The following ZYG11B variants were observed in gnomAD, a reference collection of about 807,000 sequenced individuals.
The protein encoded by ZYG11B is zyg-11 family member B, cell cycle regulator, also known as protein zyg-11 homolog B.
In ZYG11B, 36 loss-of-function variants were observed where a neutral mutation model predicts 82.4. That is an observed-to-expected ratio of 0.44 (90% CI 0.33 to 0.58). The LOEUF (loss-of-function observed/expected upper bound fraction) is 0.58. Ranked by LOEUF, ZYG11B falls within the 20% of genes least tolerant of loss-of-function variation. The pLI, the probability that ZYG11B is intolerant of heterozygous loss-of-function variation, is 0.02. For missense variants in ZYG11B, 552 were observed against 895.6 expected, an observed-to-expected ratio of 0.62 and a Z score of 4.90; for synonymous variants, 303 against 312.8, an observed-to-expected ratio of 0.97 and a Z score of 0.33.
chr1:52,761,924 T>C lies in ZYG11B; in HGVS notation c.196+5301T>C, dbSNP rs185197313. Among the ~76,000 whole-genome samples the C allele has an allele frequency of 6.1e-4, 93 of 152,326 alleles. 1 individual carries two copies. In the East Asian group the frequency reaches 8.3e-3, roughly 14 times the overall value. ...CATTTCCTTGATGATTAGTGATGTTTAGCAATTTTTTTATATATTTGTTGG... is the reference window on the plus strand; with the variant it reads ...CATTTCCTTGATGATTAGTGATGTTCAGCAATTTTTTTATATATTTGTTGG... On this transcript the variant is annotated intron_variant, in intron 2 of 13. Coordinates refer to ENST00000294353, the MANE Select transcript of ZYG11B (RefSeq NM_024646.3).
At chr1:52,755,457 A>G (rs748501324) in intron 1 of ZYG11B, among the ~76,000 whole-genome samples, 5 of 152,044 alleles carry the variant, frequency 3.3e-5, no homozygotes, top group Non-Finnish European at 5.9e-5. Flanking sequence ...CGTTTTGGCT[A>G]TTCTAGGTGT....
chr1:52,748,477 G>C (rs151282106), intron 1 of ZYG11B, among the ~76,000 whole-genome samples: 1 of 152,286 alleles, frequency 6.6e-6, no homozygotes, highest in East Asian at 1.9e-4. Context: ...GTTGTTAATG[G>C]TACAATTTAA....
At chr1:52,751,332 TAAAAAAA>T (rs201206768) in intron 1 of ZYG11B, among the ~76,000 whole-genome samples, 3 of 141,338 alleles carry the variant, frequency 2.1e-5, no homozygotes, top group African/African-American at 7.8e-5. Context: ...ATGATATAGT[TAAAAAAA>T]AAAAAAAATA....
chr1:52,814,044 CAG>C, intron 12 of ZYG11B, 132 bp downstream of exon 12: 1 of 842,906 alleles, frequency 1.2e-6, no homozygotes, highest in Non-Finnish European at 1.8e-6. Context: ...TATTTTGAGA[CAG>C]AGTTTCACTC....
At position 52,771,802 on chromosome 1, in the gene ZYG11B, T is replaced by C; in HGVS notation, c.951+28T>C. The stretch of plus-strand genomic sequence containing the variant: ...TAGACTTTAAAAATGTATTATTTTG[T>C]CAGGCTGACCAATATCTTAGTTGCA... On this transcript the variant is annotated intron_variant, in intron 3 of 13. Coordinates refer to ENST00000294353, the MANE Select transcript of ZYG11B (RefSeq NM_024646.3). The surrounding 1 kb of genome is among the most constrained non-coding windows in gnomAD (Gnocchi z 5.4). The C allele has an allele frequency of 2.5e-5, 39 of 1,581,014 alleles. No individual in the cohort carries two copies. Among genetic ancestry groups the C allele is most frequent in the Non-Finnish European group, 3.3e-5 (38 of 1,164,484 alleles).
At position 52,756,833 on chromosome 1, in the gene ZYG11B, T is replaced by A. The variant is rs564418409; in HGVS notation, c.196+210T>A. Among the ~76,000 whole-genome samples, 168 of 145,536 alleles carry A rather than the reference T, an allele frequency of 1.2e-3. No homozygotes were observed. In the East Asian group the frequency reaches 0.021, roughly 18 times the overall value. On this transcript the variant is annotated intron_variant, in intron 2 of 13. Transcript: ENST00000294353. ...CATTTTTCTTTTTTTTTTTTTTTTT[T>A]CCTTGACAGGGTCTCACTCTGTTAC...
At chr1:52,750,201 G>A (rs972820764) in intron 1 of ZYG11B, among the ~76,000 whole-genome samples, 3 of 151,992 alleles carry the variant, frequency 2.0e-5, no homozygotes, top group Admixed American at 6.6e-5. Context: ...GGGTTCAGGC[G>A]ATTCTCCTGC....
intron 1 of ZYG11B, among the ~76,000 whole-genome samples, chr1:52,731,864 G>A (rs763139983): frequency 2.0e-5 from 3 of 152,168 alleles, no homozygotes; most frequent in Non-Finnish European, 2.9e-5. Flanking sequence ...GTTCAGTGGT[G>A]CAACCACGGC....
intron 5 of ZYG11B, among the ~76,000 whole-genome samples, chr1:52,787,871 T>A (rs1644926966): frequency 6.6e-6 from 1 of 152,208 alleles, no homozygotes; most frequent in South Asian, 2.1e-4. Flanking sequence ...GAAATTTTTT[T>A]AGCTATTTTA....
Position 52,775,435 on chromosome 1 carries a change from A to G in ZYG11B, c.951+3661A>G, listed in dbSNP as rs1378486009. 2.0e-5 allele frequency among the ~76,000 whole-genome samples: 3 copies of G among 152,092 alleles called. No individual in the cohort carries two copies. The East Asian group carries it at 5.8e-4, about 29-fold the overall frequency. On this transcript the variant is annotated intron_variant, in intron 3 of 13. Coordinates refer to ENST00000294353, the MANE Select transcript of ZYG11B (RefSeq NM_024646.3). ...AGTGAGACCCCCATCTGACACCTGT[A>G]ATCCCAGCACTTTGGGAGGCCAAGG...
In ZYG11B at chr1:52,803,239, T is replaced by C. The variant is rs1199920707; in HGVS notation, c.1695+1100T>C. Among the ~76,000 whole-genome samples, 260 of 60,566 alleles carry C rather than the reference T, an allele frequency of 4.3e-3. 7 individuals are homozygous for C. The highest frequency in any genetic ancestry group is 0.014 in the African/African-American group (165 of 11,604). 39.7% of individuals were successfully genotyped at this position (60,566 alleles called of 152,430 possible). Reference sequence around the variant, plus strand: ...ATATATATATACACACATATATATATACACACACACATATATATATATATA... The same window carrying C: ...ATATATATATACACACATATATATACACACACACACATATATATATATATA... On this transcript the variant is annotated intron_variant, in intron 10 of 13. Coordinates refer to ENST00000294353, the MANE Select transcript of ZYG11B (RefSeq NM_024646.3).
intron 1 of ZYG11B, among the ~76,000 whole-genome samples, chr1:52,736,336 G>A (rs1243532572): frequency 6.6e-6 from 1 of 152,124 alleles, no homozygotes; most frequent in African/African-American, 2.4e-5. Flanking sequence ...CTGAAGTGCA[G>A]TGGCGTGATC....
chr1:52,753,014 AT>A (rs1644539268), intron 1 of ZYG11B, among the ~76,000 whole-genome samples: 1 of 151,822 alleles, frequency 6.6e-6, no homozygotes, highest in Non-Finnish European at 1.5e-5. Flanking sequence ...CACCCAGCTA[AT>A]TTTTGTATTT....
intron 2 of ZYG11B, among the ~76,000 whole-genome samples, chr1:52,758,134 G>A (rs1173736581): frequency 6.6e-6 from 1 of 150,472 alleles, no homozygotes; most frequent in Non-Finnish European, 1.5e-5. Flanking sequence ...AGGAGGCGGA[G>A]GTTGCAGTGA....
In ZYG11B at chr1:52,817,777, G is replaced by GTGTATATATATATA. The variant is rs1352242565; in HGVS notation, c.2044+1149_2044+1150insGTATATATATATAT. ...AATAGTAAAGTGTGTATATATATGT[G>GTGTATATATATATA]TATATATATATATATATATATATAT... On this transcript the variant is annotated intron_variant, in intron 13 of 13. Coordinates refer to ENST00000294353, the MANE Select transcript of ZYG11B (RefSeq NM_024646.3). Among the ~76,000 whole-genome samples, 70 of 41,522 alleles carry GTGTATATATATATA rather than the reference G, an allele frequency of 1.7e-3. 5 individuals are homozygous for GTGTATATATATATA. The highest frequency in any genetic ancestry group is 2.1e-3 in the African/African-American group (17 of 8,016). 27.2% of individuals were successfully genotyped at this position (41,522 alleles called of 152,430 possible). A position where few individuals can be genotyped will look rare whatever the true frequency, so the allele number is the denominator to read the frequency against.
rs1571787888 is a variant in ZYG11B, at chr1:52,797,468, T to TATATGATATATAATATAATAA, written c.1485+686_1485+687insATGATATATAATATAATAAAT. Among the ~76,000 whole-genome samples, 3 of 110,552 alleles carry TATATGATATATAATATAATAA rather than the reference T, an allele frequency of 2.7e-5. No homozygotes were observed. In the South Asian group the frequency reaches 7.6e-4, roughly 28 times the overall value. 72.5% of individuals were successfully genotyped at this position (110,552 alleles called of 152,430 possible). On this transcript the variant is annotated intron_variant, in intron 8 of 13. Coordinates refer to ENST00000294353, the MANE Select transcript of ZYG11B (RefSeq NM_024646.3). ...TATTATATATCATATATGATATATA[T>TATATGATATATAATATAATAA]ATTATATATGATATATAATATGTAT...
At chr1:52,754,769 C>T (rs918377707) in intron 1 of ZYG11B, among the ~76,000 whole-genome samples, 20 of 152,118 alleles carry the variant, frequency 1.3e-4, no homozygotes, top group African/African-American at 3.9e-4. Flanking sequence ...ATCTAAGAAA[C>T]TTTACTGATC....
rs1645291276 is a variant in ZYG11B, at chr1:52,822,494, TA to T, written c.*869del. 1.3e-5 allele frequency: 2 copies of T among 152,390 alleles called. No homozygotes were observed. The highest frequency in any genetic ancestry group is 4.1e-4 in the South Asian group (2 of 4,830). 9.4% of individuals were successfully genotyped at this position (152,390 alleles called of 1,614,324 possible). A position where few individuals can be genotyped will look rare whatever the true frequency, so the allele number is the denominator to read the frequency against. On this transcript the variant is annotated 3_prime_UTR_variant, in exon 14 of 14. Transcript: ENST00000294353. ...GTGATTTTAAAAAATTATCGCCAGT[TA>T]AAACTGGCTATTCTTTTCCTCTATT...
At chr1:52,802,376 C>T (rs1264456709) in intron 10 of ZYG11B, among the ~76,000 whole-genome samples, 14 of 106,694 alleles carry the variant, frequency 1.3e-4, no homozygotes, top group Admixed American at 9.6e-4. Context: ...GAGACAGGGT[C>T]TCACTTTGTT....
Sources: gnomAD v4.1 joint callset for allele counts (sites outside exome capture counted in the v4.1 genomes callset) on GRCh38, gnomAD v4.1.1 for gene constraint, Gnocchi (gnomAD v3.1) non-coding constraint, MANE v1.5 for transcripts, NCBI Gene and HGNC (gene_info 2026-07-23, HGNC 2026-07-21) for gene names.